The following PLA2G4E variants were observed in gnomAD, a reference collection of about 807,000 sequenced individuals.
PLA2G4E encodes cytosolic phospholipase A2 epsilon.
Under a neutral mutation model 109.1 loss-of-function variants are expected in PLA2G4E, and 84 were observed. That is an observed-to-expected ratio of 0.77 (90% CI 0.65 to 0.92). The LOEUF is 0.92. Ranked by LOEUF, PLA2G4E falls within the 40% of genes least tolerant of loss-of-function variation. The pLI is 0.00. For missense variants in PLA2G4E, 1,057 were observed against 1,076.6 expected, an observed-to-expected ratio of 0.98 and a Z score of 0.25; for synonymous variants, 469 against 436.1, an observed-to-expected ratio of 1.08 and a Z score of -0.94.
exon 2 of PLA2G4E, chr15:42,013,713 C>A: frequency 6.4e-7 from 1 of 1,550,712 alleles, no homozygotes; most frequent in Non-Finnish European, 8.7e-7. Context: ...CATTTTTCAT[C>A]CGGATGACCC....
chr15:41,999,328 A>G (rs2068387552), intron 10 of PLA2G4E, among the ~76,000 whole-genome samples, 196 bp downstream of exon 10: 1 of 152,180 alleles, frequency 6.6e-6, no homozygotes, highest in South Asian at 2.1e-4. Flanking sequence ...AAAAAAACAC[A>G]AATAACCCAC....
chr15:41,996,486 G>C (rs1459241669), intron 11 of PLA2G4E, among the ~76,000 whole-genome samples: 1 of 152,072 alleles, frequency 6.6e-6, no homozygotes, highest in Non-Finnish European at 1.5e-5. Flanking sequence ...GTCCTCCTCG[G>C]GCACCCGCCA....
At chr15:42,004,169 G>A (rs187846893) in intron 5 of PLA2G4E, among the ~76,000 whole-genome samples, 90 of 152,296 alleles carry the variant, frequency 5.9e-4, no homozygotes, top group African/African-American at 1.9e-3. Flanking sequence ...TAGCATGGTG[G>A]TGTGTTCCTG....
intron 13 of PLA2G4E, 148 bp from the exon 14 acceptor site, chr15:41,990,383 C>A (rs924897518): frequency 2.0e-5 from 14 of 689,824 alleles, no homozygotes; most frequent in Non-Finnish European, 3.5e-5. Flanking sequence ...TGACACCAGC[C>A]AAATCACTCT....
intron 1 of PLA2G4E, among the ~76,000 whole-genome samples, chr15:42,033,209 G>A (rs1383525150): frequency 2.6e-5 from 4 of 152,264 alleles, no homozygotes; most frequent in South Asian, 2.1e-4. Flanking sequence ...CAGTTGCACC[G>A]AGATGGATTA....
At chr15:42,033,718 G>A (rs1161161787) in intron 1 of PLA2G4E, among the ~76,000 whole-genome samples, 1 of 152,188 alleles carries the variant, frequency 6.6e-6, no homozygotes, top group African/African-American at 2.4e-5. Flanking sequence ...GGTCTGTGAG[G>A]AGCAGGAGAG....
intron 1 of PLA2G4E, among the ~76,000 whole-genome samples, chr15:42,021,489 A>G (rs1022877422): frequency 6.7e-6 from 1 of 148,662 alleles, no homozygotes; most frequent in African/African-American, 2.5e-5. Context: ...GTGGCCAGGG[A>G]CCTTCATGGG....
intron 1 of PLA2G4E, among the ~76,000 whole-genome samples, chr15:42,028,704 G>T (rs1382173768): frequency 6.6e-6 from 1 of 152,122 alleles, no homozygotes; most frequent in Non-Finnish European, 1.5e-5. Flanking sequence ...ACCGTGCCCA[G>T]CCTGTACTCT....
intron 1 of PLA2G4E, among the ~76,000 whole-genome samples, chr15:42,049,986 G>A (rs1203787914): frequency 1.3e-5 from 2 of 152,212 alleles, no homozygotes; most frequent in South Asian, 2.1e-4. Context: ...TGGGGTTTGC[G>A]AGGTAAGCCA....
chr15:41,989,385 C>T, intron 15 of PLA2G4E, 30 bp downstream of exon 15: 1 of 1,613,292 alleles, frequency 6.2e-7, no homozygotes. Flanking sequence ...CAGCAGCCCC[C>T]TGTCATTCCG....
At chr15:41,990,194 G>A in exon 14 of PLA2G4E, 1 of 1,613,748 alleles carries the variant, frequency 6.2e-7, no homozygotes, top group East Asian at 2.2e-5. Context: ...TCTGGCCGCA[G>A]CTCAAAGCAG....
chr15:41,988,386 G>A (rs1423152209), intron 15 of PLA2G4E, among the ~76,000 whole-genome samples: 1 of 152,120 alleles, frequency 6.6e-6, no homozygotes, highest in South Asian at 2.1e-4. Context: ...GCCGGGAGAC[G>A]TAAAGGTGTA....
intron 15 of PLA2G4E, 137 bp downstream of exon 15, chr15:41,989,278 C>T: frequency 1.6e-6 from 2 of 1,234,366 alleles, no homozygotes; most frequent in South Asian, 1.6e-5. Flanking sequence ...AACTCTGGTC[C>T]CCAGTGACTT....
In PLA2G4E at chr15:42,041,515, C is replaced by T. The variant is rs540406787; in HGVS notation, c.183+9006G>A. 5.3e-5 allele frequency among the ~76,000 whole-genome samples: 8 copies of T among 152,150 alleles called. No homozygotes were observed. The South Asian group carries it at 1.7e-3, about 32-fold the overall frequency. Reference sequence around the variant, plus strand: ...GGGGTTGGGGAAAGAGGTTGGGACTCGGACTCCTCATTGAGGATTCAAGTT... The same window carrying T: ...GGGGTTGGGGAAAGAGGTTGGGACTTGGACTCCTCATTGAGGATTCAAGTT... On this transcript the variant is annotated intron_variant, in intron 1 of 19. Transcript: ENST00000399518.
chr15:42,009,615 C>T (rs1242325995), intron 2 of PLA2G4E, among the ~76,000 whole-genome samples: 1 of 152,184 alleles, frequency 6.6e-6, no homozygotes, highest in African/African-American at 2.4e-5. Flanking sequence ...CTCCCTAATA[C>T]CCCACCCCTG....
chr15:41,987,099 A>G (rs1265767360), intron 17 of PLA2G4E, 73 bp downstream of exon 17: 8 of 1,468,040 alleles, frequency 5.4e-6, no homozygotes, highest in Middle Eastern at 1.8e-4. Context: ...TTCTTTATCC[A>G]TGGCAGCCTT....
At chr15:41,999,695 C>G in intron 9 of PLA2G4E, 134 bp from the exon 10 acceptor site, 1 of 1,216,398 alleles carries the variant, frequency 8.2e-7, no homozygotes, top group Non-Finnish European at 1.2e-6. Context: ...CCTCTCTCTT[C>G]TGGACACAAT....
intron 1 of PLA2G4E, among the ~76,000 whole-genome samples, chr15:42,038,704 T>A (rs1357837988): frequency 1.3e-5 from 2 of 152,182 alleles, no homozygotes; most frequent in African/African-American, 4.8e-5. Context: ...TAAGGGAGAA[T>A]AAGAGGCTTG....
exon 9 of PLA2G4E, chr15:41,999,974 G>C (rs772751732): frequency 2.5e-6 from 4 of 1,610,558 alleles, no homozygotes; most frequent in African/African-American, 1.3e-5. Context: ...GGCTGATGGG[G>C]CCCTTCTTGC....
Sources: gnomAD v4.1 joint callset for allele counts (sites outside exome capture counted in the v4.1 genomes callset) on GRCh38, gnomAD v4.1.1 for gene constraint, MANE v1.5 for transcripts, NCBI Gene and HGNC (gene_info 2026-07-23, HGNC 2026-07-21) for gene names.